ARHGEF33: variants seen among roughly 807,000 people sequenced by gnomAD.
The protein encoded by ARHGEF33 is Rho guanine nucleotide exchange factor 33.
ARHGEF33 carries 72 observed loss-of-function variants against 101.9 expected under a neutral mutation model. The observed-to-expected ratio is 0.71, with a 90% CI of 0.58 to 0.86. The LOEUF is 0.86. ARHGEF33 is among the 40% of genes least tolerant of loss of function. The pLI, the probability that ARHGEF33 is intolerant of heterozygous loss-of-function variation, is 0.00. For synonymous variants in ARHGEF33, 499 were observed against 442.5 expected, an observed-to-expected ratio of 1.13 and a Z score of -1.60; for missense variants, 1,169 against 1,111.3, an observed-to-expected ratio of 1.05 and a Z score of -0.74.
intron 4 of ARHGEF33, among the ~76,000 whole-genome samples, chr2:38,924,465 G>A (rs1052876096): frequency 1.3e-5 from 2 of 152,044 alleles, no homozygotes; most frequent in African/African-American, 2.4e-5. Context: ...TAACATGAGA[G>A]GGGATCCCAT....
chr2:38,953,293 A>G (rs1444288406), intron 12 of ARHGEF33, 48 bp downstream of exon 12: 4 of 1,076,586 alleles, frequency 3.7e-6, no homozygotes, highest in Admixed American at 2.0e-5. Flanking sequence ...ACATGGCATC[A>G]TATGATGTTG....
chr2:38,903,176 T>G lies in ARHGEF33; in HGVS notation c.-86+7327T>G, dbSNP rs189529979. Among the ~76,000 whole-genome samples the G allele has an allele frequency of 9.2e-5, 14 of 152,326 alleles. No individual in the cohort carries two copies. The East Asian group carries it at 2.7e-3, about 29-fold the overall frequency. ...AACAGTCTTTTAACATTTTAATGAC[T>G]TCTCAAGTGTGTTGCATCTACTTAT... On this transcript the variant is annotated intron_variant, in intron 2 of 17. Transcript: ENST00000409978.
At chr2:38,959,655 A>G (rs1667862096) in intron 15 of ARHGEF33, 186 bp from the exon 16 acceptor site, 2 of 606,816 alleles carry the variant, frequency 3.3e-6, no homozygotes, top group Admixed American at 6.4e-5. Context: ...CGCTCGACGG[A>G]CTGCCTTGTC....
rs1437925332 is a variant in ARHGEF33 at position 38,960,321 on chromosome 2, G to A, written c.2016G>A (p.Pro672=). Residue 672 remains proline (P), a synonymous_variant, in exon 16 of 18, where the codon CCG becomes CCA. Transcript: ENST00000409978. ...FAMEAERPEH[P]LQPLPKSATS... ...TGGAGGCCGAGCGGCCGGAGCACCC[G>A]CTGCAGCCGCTGCCCAAGAGCGCTA... 9.7e-6 allele frequency: 15 copies of A among 1,541,382 alleles called. No individual in the cohort carries two copies. Among genetic ancestry groups the A allele is most frequent in the African/African-American group, 2.7e-5 (2 of 72,764 alleles).
intron 17 of ARHGEF33, among the ~76,000 whole-genome samples, chr2:38,966,964 A>T (rs988298874): frequency 6.6e-6 from 1 of 151,964 alleles, no homozygotes; most frequent in African/African-American, 2.4e-5. Flanking sequence ...CCTTAGAGAG[A>T]TTTTTCCTGC....
At chr2:38,898,800 G>A (rs995623842) in intron 2 of ARHGEF33, among the ~76,000 whole-genome samples, 1 of 152,112 alleles carries the variant, frequency 6.6e-6, no homozygotes, top group African/African-American at 2.4e-5. Context: ...ATCAGATACT[G>A]TAAAGACTTG....
intron 2 of ARHGEF33, among the ~76,000 whole-genome samples, chr2:38,904,923 T>C (rs1477318438): frequency 1.3e-5 from 2 of 151,742 alleles, no homozygotes; most frequent in Non-Finnish European, 2.9e-5. Context: ...AAGGAGAAAA[T>C]GAAAGACACC....
At chr2:38,957,145 T>C (rs752293462) in intron 14 of ARHGEF33, 98 bp downstream of exon 14, 43 of 1,403,650 alleles carry the variant, frequency 3.1e-5, no homozygotes, top group Middle Eastern at 3.6e-4. Flanking sequence ...TGAAATGCAG[T>C]GGTGGGAGGT....
chr2:38,893,922 C>G (rs558734423), intron 1 of ARHGEF33, among the ~76,000 whole-genome samples: 1 of 152,222 alleles, frequency 6.6e-6, no homozygotes, highest in African/African-American at 2.4e-5. Flanking sequence ...CAAACAAGGG[C>G]TGGAGTGAAG....
At position 38,953,188 on chromosome 2, in the gene ARHGEF33, C is replaced by T; in HGVS notation, c.1080C>T (p.Ala360=). 6.5e-7 allele frequency: 1 copy of T among 1,538,272 alleles called. No individual in the cohort carries two copies. The highest frequency in any genetic ancestry group is 2.0e-5 in the Admixed American group (1 of 50,978). ...ATAATTTCTTGGATTATTATGTTGC[C>T]TACCTAAGGGACCTGCCTGAGTGCA... ...DENNFLDYYV[A]YLRDLPECIS... is the part of the protein sequence containing the mutation. The change falls in exon 12 of 18, where the codon GCC becomes GCT. Residue 360 remains alanine (A), a synonymous_variant. Coordinates refer to ENST00000409978, the MANE Select transcript of ARHGEF33 (RefSeq NM_001145451.5).
In ARHGEF33 at chr2:38,958,013, CTGT is replaced by C; in HGVS notation, c.1371-19_1371-17del. Reference sequence around the variant, plus strand: ...AGTTTGCCACTGTACAACCTGAGAACTGTTATTTCCATTCTGTTAGGTCATCCA... The same window carrying C: ...AGTTTGCCACTGTACAACCTGAGAACTATTTCCATTCTGTTAGGTCATCCA... On this transcript the variant is annotated intron_variant, in intron 14 of 17. Coordinates refer to ENST00000409978, the MANE Select transcript of ARHGEF33 (RefSeq NM_001145451.5). The C allele has an allele frequency of 6.4e-7, 1 of 1,552,092 alleles. No homozygotes were observed. The highest frequency in any genetic ancestry group is 8.7e-7 in the Non-Finnish European group (1 of 1,147,016).
intron 17 of ARHGEF33, among the ~76,000 whole-genome samples, chr2:38,971,427 C>T (rs531977292): frequency 1.3e-5 from 2 of 152,302 alleles, no homozygotes; most frequent in African/African-American, 2.4e-5. Context: ...CTGCAGTCGG[C>T]CACGGTGGCT....
intron 4 of ARHGEF33, among the ~76,000 whole-genome samples, chr2:38,927,303 G>A (rs1258278543): frequency 6.6e-6 from 1 of 152,154 alleles, no homozygotes; most frequent in Non-Finnish European, 1.5e-5. Flanking sequence ...ATTGCAGGTG[G>A]GAATCATGTG....
At position 38,958,099 on chromosome 2, in the gene ARHGEF33, C is replaced by T. The variant is rs941213138; in HGVS notation, c.1436C>T (p.Ser479Phe). The T allele has an allele frequency of 1.9e-5, 30 of 1,552,048 alleles. No homozygotes were observed. Among genetic ancestry groups the T allele is most frequent in the Non-Finnish European group, 2.5e-5 (29 of 1,147,116 alleles). ...TGTGCCAATGCTGGGCAAGATGCTT[C>T]CCCCACTGCAGGTCCTGAGGCTGTC... Reference protein sequence around the residue: ...SQCANAGQDASPTAGPEAVRD... With the variant: ...SQCANAGQDAFPTAGPEAVRD... The change falls in exon 15 of 18, where the codon TCC (serine) becomes TTC (phenylalanine). Residue 479 changes from serine to phenylalanine, a missense_variant. Ser to Phe is a radical substitution (Grantham distance 155). Coordinates refer to ENST00000409978, the MANE Select transcript of ARHGEF33 (RefSeq NM_001145451.5).
chr2:38,928,886 A>T, intron 4 of ARHGEF33, 21 bp from the exon 5 acceptor site: 1 of 1,531,252 alleles, frequency 6.5e-7, no homozygotes. Flanking sequence ...AAATTGAATT[A>T]ACTTTTCATG....
chr2:38,900,144 A>C (rs769418697), intron 2 of ARHGEF33, among the ~76,000 whole-genome samples: 1 of 152,166 alleles, frequency 6.6e-6, no homozygotes, highest in African/African-American at 2.4e-5. Flanking sequence ...GTGAGCTAGG[A>C]TTATACCACC....
intron 16 of ARHGEF33, among the ~76,000 whole-genome samples, chr2:38,962,201 G>T (rs1418931083): frequency 6.6e-6 from 1 of 152,204 alleles, no homozygotes; most frequent in Non-Finnish European, 1.5e-5. Flanking sequence ...TCTTAGGCAT[G>T]TGTCAGAGTT....
intron 2 of ARHGEF33, among the ~76,000 whole-genome samples, chr2:38,910,078 A>G (rs542984500): frequency 2.4e-4 from 37 of 152,328 alleles, no homozygotes; most frequent in Middle Eastern, 3.4e-3. Context: ...CATAGACTAA[A>G]TAACACAGAC....
chr2:38,912,559 T>C (rs1255724878), intron 2 of ARHGEF33, among the ~76,000 whole-genome samples: 2 of 152,196 alleles, frequency 1.3e-5, no homozygotes, highest in Non-Finnish European at 2.9e-5. Context: ...AAAAATGTCC[T>C]AAATATGAAG....
Sources: gnomAD v4.1 joint callset for allele counts (sites outside exome capture counted in the v4.1 genomes callset) on GRCh38, gnomAD v4.1.1 for gene constraint, MANE v1.5 for transcripts, NCBI Gene and HGNC (gene_info 2026-07-23, HGNC 2026-07-21) for gene names.